The following KCNQ1 variants were observed in gnomAD, a reference collection of about 807,000 sequenced individuals.
KCNQ1 encodes potassium voltage-gated channel subfamily KQT member 1.
Under a neutral mutation model 72.4 loss-of-function variants are expected in KCNQ1, and 49 were observed. That is an observed-to-expected ratio of 0.68 (90% CI 0.54 to 0.86). KCNQ1 has a LOEUF of 0.86. KCNQ1 is among the 40% of genes least tolerant of loss of function. KCNQ1 has a pLI of 0.00. For missense variants in KCNQ1, 790 were observed against 945.1 expected, an observed-to-expected ratio of 0.84 and a Z score of 2.15; for synonymous variants, 450 against 412.6, an observed-to-expected ratio of 1.09 and a Z score of -1.10.
At chr11:2,714,427 C>A (rs1322420666) in intron 11 of KCNQ1, among the ~76,000 whole-genome samples, 1 of 152,208 alleles carries the variant, frequency 6.6e-6, no homozygotes, top group Non-Finnish European at 1.5e-5. Flanking sequence ...GGAGTCAGGG[C>A]AGCTGGACAG....
chr11:2,452,440 G>C (rs1846130463), intron 1 of KCNQ1, among the ~76,000 whole-genome samples: 1 of 152,200 alleles, frequency 6.6e-6, no homozygotes, highest in African/African-American at 2.4e-5. Context: ...AGCCCGGGCA[G>C]CTTAGAGGAG....
At position 2,642,752 on chromosome 11, in the gene KCNQ1, A is replaced by G; in HGVS notation, c.1394-19209A>G. Reference sequence around the variant, plus strand: ...CTTTTCTGGTTCCTTCAGGTGTATCATTAGATTATTTAAGATCTTTTCTAC... The same window carrying G: ...CTTTTCTGGTTCCTTCAGGTGTATCGTTAGATTATTTAAGATCTTTTCTAC... On this transcript the variant is annotated intron_variant, in intron 10 of 15. Coordinates refer to ENST00000155840, the MANE Select transcript of KCNQ1 (RefSeq NM_000218.3). The surrounding 1 kb of genome is among the most constrained non-coding windows in gnomAD (Gnocchi z 4.3). 2.5e-6 allele frequency: 1 copy of G among 397,654 alleles called. No homozygotes were observed. Among genetic ancestry groups the G allele is most frequent in the Non-Finnish European group, 4.4e-6 (1 of 225,588 alleles). 24.6% of individuals were successfully genotyped at this position (397,654 alleles called of 1,614,324 possible). A position where few individuals can be genotyped will look rare whatever the true frequency, so the allele number is the denominator to read the frequency against.
At chr11:2,835,633 GCAGCA>G (rs1198283422) in intron 15 of KCNQ1, among the ~76,000 whole-genome samples, 25 of 152,190 alleles carry the variant, frequency 1.6e-4, no homozygotes, top group Non-Finnish European at 1.2e-4. Flanking sequence ...GAAAACAAAG[GCAGCA>G]CCACAGCGAC....
rs557892092 is a variant in KCNQ1 at position 2,813,307 on chromosome 11, A to T, written c.1795-34460A>T. Among the ~76,000 whole-genome samples, 2 of 152,312 alleles carry T rather than the reference A, an allele frequency of 1.3e-5. No individual in the cohort carries two copies. The highest frequency in any genetic ancestry group is 6.5e-5 in the Admixed American group (1 of 15,306). On this transcript the variant is annotated intron_variant, in intron 15 of 15. Transcript: ENST00000155840. The surrounding 1 kb of genome is among the most constrained non-coding windows in gnomAD (Gnocchi z 4.4). ...GCAGGCCCTCTGATGCCCAGGGCTC[A>T]TTCAAGGGCATCTGCCCTGTGTCCT...
Position 2,759,071 on chromosome 11 carries a change from C to A in KCNQ1, c.1515-9773C>A, listed in dbSNP as rs774214259. ...CTCCACCCATGCAAGGTGTGACCGT[C>A]GCGAACTCACGTAGAGGGCATACAG... On this transcript the variant is annotated intron_variant, in intron 11 of 15. Coordinates refer to ENST00000155840, the MANE Select transcript of KCNQ1 (RefSeq NM_000218.3). This position sits in a 1 kb window ranked among gnomAD's most constrained non-coding sequence, Gnocchi z 4.4. Among the ~76,000 whole-genome samples the A allele has an allele frequency of 6.6e-6, 1 of 151,710 alleles. No homozygotes were observed. Among genetic ancestry groups the A allele is most frequent in the African/African-American group, 2.4e-5 (1 of 41,252 alleles).
chr11:2,454,670 C>T (rs1463880354), intron 1 of KCNQ1, among the ~76,000 whole-genome samples: 2 of 152,084 alleles, frequency 1.3e-5, no homozygotes, highest in Non-Finnish European at 2.9e-5. Flanking sequence ...AAAACAAAAA[C>T]CGTATGATCA....
chr11:2,846,032 G>A (rs35869987), intron 15 of KCNQ1, among the ~76,000 whole-genome samples: 9 of 152,252 alleles, frequency 5.9e-5, no homozygotes, highest in East Asian at 5.8e-4. Context: ...TTGTGCCCAC[G>A]TCACCCAGCA....
Position 2,781,579 on chromosome 11 carries a change from G to A in KCNQ1, c.1794+3542G>A, listed in dbSNP as rs1846823490. On this transcript the variant is annotated intron_variant, in intron 15 of 15. Transcript: ENST00000155840. The surrounding 1 kb of genome is among the most constrained non-coding windows in gnomAD (Gnocchi z 6.6). ...ACACAGGGCTGGCAGTCTGTGTGGGGGCTGCATACCCCAGACATTCTGAGG... is the reference window on the plus strand; with the variant it reads ...ACACAGGGCTGGCAGTCTGTGTGGGAGCTGCATACCCCAGACATTCTGAGG... 6.6e-6 allele frequency among the ~76,000 whole-genome samples: 1 copy of A among 152,204 alleles called. No individual in the cohort carries two copies. Among genetic ancestry groups the A allele is most frequent in the South Asian group, 2.1e-4 (1 of 4,830 alleles).
At position 2,781,165 on chromosome 11, in the gene KCNQ1, CTTAGA is replaced by C. The variant is rs542759895; in HGVS notation, c.1794+3132_1794+3136del. Among the ~76,000 whole-genome samples, 67 of 152,278 alleles carry C rather than the reference CTTAGA, an allele frequency of 4.4e-4. No homozygotes were observed. The Middle Eastern group carries it at 0.014, about 31-fold the overall frequency. On this transcript the variant is annotated intron_variant, in intron 15 of 15. Coordinates refer to ENST00000155840, the MANE Select transcript of KCNQ1 (RefSeq NM_000218.3). This position sits in a 1 kb window ranked among gnomAD's most constrained non-coding sequence, Gnocchi z 6.6. Reference sequence around the variant, plus strand: ...TGCCTCATGCCCTTTCTGTTTTCATCTTAGATTATTGTCTTCTTTATCCTGGAGAG... The same window carrying C: ...TGCCTCATGCCCTTTCTGTTTTCATCTTATTGTCTTCTTTATCCTGGAGAG...
intron 15 of KCNQ1, among the ~76,000 whole-genome samples, chr11:2,837,661 G>T (rs1336794640): frequency 6.6e-6 from 1 of 152,182 alleles, no homozygotes; most frequent in Non-Finnish European, 1.5e-5. Context: ...AAACCAGGAG[G>T]GGGAAGGGAG....
Position 2,663,506 on chromosome 11 carries a change from G to C in KCNQ1, c.1514+1425G>C, listed in dbSNP as rs1190963064. On this transcript the variant is annotated intron_variant, in intron 11 of 15. Coordinates refer to ENST00000155840, the MANE Select transcript of KCNQ1 (RefSeq NM_000218.3). The surrounding 1 kb of genome is among the most constrained non-coding windows in gnomAD (Gnocchi z 5.2). Reference sequence around the variant, plus strand: ...GTGTGCAATACAGGTGGCAGTGCCTGTATTGCCTCTTGGCTGTCCCCTCAG... The same window carrying C: ...GTGTGCAATACAGGTGGCAGTGCCTCTATTGCCTCTTGGCTGTCCCCTCAG... The C allele has an allele frequency of 5.0e-6, 2 of 398,554 alleles. No individual in the cohort carries two copies. 24.7% of individuals were successfully genotyped at this position (398,554 alleles called of 1,614,324 possible).
chr11:2,650,536 GC>G (rs1372975929), intron 10 of KCNQ1: 1 of 398,550 alleles, frequency 2.5e-6, no homozygotes, highest in African/African-American at 2.1e-5. Context: ...AGTGGTATCT[GC>G]AAGTTCATCA....
intron 10 of KCNQ1, chr11:2,638,485 G>C (rs1849516056): frequency 6.6e-6 from 1 of 152,276 alleles, no homozygotes; most frequent in Middle Eastern, 3.4e-3. Context: ...TTTTCTTTAA[G>C]AATGTTGAAT....
At position 2,533,930 on chromosome 11, in the gene KCNQ1, A is replaced by AC. The variant is rs566552413; in HGVS notation, c.477+5916dup. Among the ~76,000 whole-genome samples, 184 of 151,404 alleles carry AC rather than the reference A, an allele frequency of 1.2e-3. 1 individual carries two copies. The highest frequency in any genetic ancestry group is 4.3e-3 in the African/African-American group (176 of 41,182). ...GTCCTGCAATGCCTGTGGTTAAAAAACCCCGTGAGCTGCGGCCCCGGAGGC... is the reference window on the plus strand; with the variant it reads ...GTCCTGCAATGCCTGTGGTTAAAAAACCCCCGTGAGCTGCGGCCCCGGAGGC... On this transcript the variant is annotated intron_variant, in intron 2 of 15. Transcript: ENST00000155840.
rs1847536479 is a variant in KCNQ1, at chr11:2,813,513, A to C, written c.1795-34254A>C. ...CGCCTGGTCACCAAGTCCTGACAACACCTCCAGCCCCTGTCTCTATGGTCC... is the reference window on the plus strand; with the variant it reads ...CGCCTGGTCACCAAGTCCTGACAACCCCTCCAGCCCCTGTCTCTATGGTCC... On this transcript the variant is annotated intron_variant, in intron 15 of 15. Transcript: ENST00000155840. The surrounding 1 kb of genome is among the most constrained non-coding windows in gnomAD (Gnocchi z 4.4). Among the ~76,000 whole-genome samples the C allele has an allele frequency of 6.7e-6, 1 of 150,040 alleles. No homozygotes were observed. Among genetic ancestry groups the C allele is most frequent in the Admixed American group, 6.6e-5 (1 of 15,074 alleles).
At chr11:2,546,685 T>G (rs1389012096) in intron 2 of KCNQ1, among the ~76,000 whole-genome samples, 2 of 152,362 alleles carry the variant, frequency 1.3e-5, no homozygotes, top group East Asian at 3.8e-4. Context: ...TTATTTTTCA[T>G]TTTTGTGGAT....
Position 2,468,809 on chromosome 11 carries a change from C to A in KCNQ1, c.386+23325C>A, listed in dbSNP as rs114448602. ...ATGCACCTGTTGATGGACATGTGGG[C>A]GGCTGTATCCCATTTGGGCTCTCAC... On this transcript the variant is annotated intron_variant, in intron 1 of 15. Transcript: ENST00000155840. This position sits in a 1 kb window ranked among gnomAD's most constrained non-coding sequence, Gnocchi z 5.7. Among the ~76,000 whole-genome samples, 29 of 152,126 alleles carry A rather than the reference C, an allele frequency of 1.9e-4. No homozygotes were observed. Among genetic ancestry groups the A allele is most frequent in the African/African-American group, 6.8e-4 (28 of 41,422 alleles).
rs10798 is a variant in KCNQ1, at chr11:2,848,935, A to G, written c.*932A>G. ...GGATCTGTGTTTTAATGAGTTTCAC[A>G]GTGTGATTTTGATTATTAATTGTGC... On this transcript the variant is annotated 3_prime_UTR_variant, in exon 16 of 16. Coordinates refer to ENST00000155840, the MANE Select transcript of KCNQ1 (RefSeq NM_000218.3). 0.39 allele frequency: 177,663 copies of G among 453,978 alleles called. 38,200 individuals are homozygous for G. The highest frequency in any genetic ancestry group is 0.87 in the East Asian group (12,449 of 14,380). The allele number at this position is 453,978 out of a possible 1,614,324, so 28.1% of individuals were successfully genotyped here.
chr11:2,777,431 C>T, intron 14 of KCNQ1: 1 of 537,798 alleles, frequency 1.9e-6, no homozygotes, highest in South Asian at 2.9e-5. Context: ...TTGAGAGGGA[C>T]AGAAGCACCT....
Sources: gnomAD v4.1 joint callset for allele counts (sites outside exome capture counted in the v4.1 genomes callset) on GRCh38, gnomAD v4.1.1 for gene constraint, Gnocchi (gnomAD v3.1) non-coding constraint, MANE v1.5 for transcripts, NCBI Gene and HGNC (gene_info 2026-07-23, HGNC 2026-07-21) for gene names.